Variants in BMP7 observed in about 807,000 individuals in gnomAD.
BMP7 encodes the protein osteogenic protein 1.
In BMP7, 12 loss-of-function variants were observed where a neutral mutation model predicts 41.2. The observed-to-expected ratio is 0.29, with a 90% CI of 0.19 to 0.47. The LOEUF is 0.47. Among genes scored for constraint, BMP7 ranks in the 20% least tolerant of loss-of-function variants. The pLI is 0.99. For synonymous variants in BMP7, 248 were observed against 250.0 expected (o/e 0.99, Z 0.07); for missense variants, 467 against 606.0 (o/e 0.77, Z 2.41).
At chr20:57,195,472 C>T (rs1365138699) in intron 3 of BMP7, among the ~76,000 whole-genome samples, 1 of 152,238 alleles carries the variant, frequency 6.6e-6, no homozygotes, top group Non-Finnish European at 1.5e-5. Context: ...GCCGTCCCAG[C>T]CCTGGAAGGA....
Position 57,261,364 on chromosome 20 carries a change from A to G in BMP7, c.418+4341T>C, listed in dbSNP as rs1312250474. Among the ~76,000 whole-genome samples, 3 of 152,172 alleles carry G rather than the reference A, an allele frequency of 2.0e-5. No homozygotes were observed. Among genetic ancestry groups the G allele is most frequent in the African/African-American group, 7.2e-5 (3 of 41,438 alleles). ...TTACCCCTTCCATGGGGACCGCTCCACAACCGAATGACAACCCTGGAACCA... is the reference window on the plus strand; with the variant it reads ...TTACCCCTTCCATGGGGACCGCTCCGCAACCGAATGACAACCCTGGAACCA... On this transcript the variant is annotated intron_variant, in intron 1 of 6. Coordinates refer to ENST00000395863, the MANE Select transcript of BMP7 (RefSeq NM_001719.3). This position sits in a 1 kb window ranked among gnomAD's most constrained non-coding sequence, Gnocchi z 4.1.
At chr20:57,227,977 A>C (rs569131466) in intron 2 of BMP7, among the ~76,000 whole-genome samples, 1 of 152,234 alleles carries the variant, frequency 6.6e-6, no homozygotes, top group African/African-American at 2.4e-5. Context: ...AGCCAGATCT[A>C]GACTGCCTAT....
chr20:57,205,853 C>T (rs903105873), intron 2 of BMP7, among the ~76,000 whole-genome samples: 2 of 152,206 alleles, frequency 1.3e-5, no homozygotes, highest in East Asian at 3.8e-4. Context: ...GTCAACTCCC[C>T]TCCTTCAAGT....
Position 57,215,474 on chromosome 20 carries a change from A to G in BMP7, c.611+12755T>C, listed in dbSNP as rs777724261. ...AGGGTTTGAGCCCCAGAATTTCTGG[A>G]AAACTGGAGGCTCTACTGTTCCATT... On this transcript the variant is annotated intron_variant, in intron 2 of 6. Transcript: ENST00000395863. The surrounding 1 kb of genome is among the most constrained non-coding windows in gnomAD (Gnocchi z 4.2). 2 of 152,260 alleles carry G rather than the reference A, an allele frequency of 1.3e-5. No individual in the cohort carries two copies. Among genetic ancestry groups the G allele is most frequent in the Non-Finnish European group, 2.9e-5 (2 of 68,052 alleles). The allele number at this position is 152,260 out of a possible 1,614,324, so 9.4% of individuals were successfully genotyped here.
chr20:57,244,829 TC>T (rs1600641526), intron 1 of BMP7, among the ~76,000 whole-genome samples: 1 of 151,876 alleles, frequency 6.6e-6, no homozygotes, highest in Admixed American at 6.6e-5. Flanking sequence ...GCTCAGACCT[TC>T]CCCCCAGAGC....
chr20:57,185,169 G>A (rs1984181447), intron 3 of BMP7, among the ~76,000 whole-genome samples: 1 of 152,236 alleles, frequency 6.6e-6, no homozygotes, highest in Non-Finnish European at 1.5e-5. Context: ...GGGCAGTGGG[G>A]AGGGAGGCTG....
In BMP7 at chr20:57,228,461, A is replaced by T. The variant is rs746929951; in HGVS notation, c.419-40T>A. 1.2e-6 allele frequency: 2 copies of T among 1,603,366 alleles called. No individual in the cohort carries two copies. The highest frequency in any genetic ancestry group is 3.3e-5 in the Admixed American group (2 of 60,018). On this transcript the variant is annotated intron_variant, in intron 1 of 6. Transcript: ENST00000395863. This position sits in a 1 kb window ranked among gnomAD's most constrained non-coding sequence, Gnocchi z 4.5. Reference sequence around the variant, plus strand: ...GAACACACACCAACACCGACAGCTCATTAGTGTCTGGGTTTCACTCTCTGG... The same window carrying T: ...GAACACACACCAACACCGACAGCTCTTTAGTGTCTGGGTTTCACTCTCTGG...
intron 1 of BMP7, among the ~76,000 whole-genome samples, chr20:57,240,403 G>A (rs184974180): frequency 9.9e-5 from 15 of 152,276 alleles, no homozygotes; most frequent in Middle Eastern, 3.4e-3. Context: ...CACTATCAGC[G>A]TTTTGGGCAA....
chr20:57,191,942 T>C (rs1274231909), intron 3 of BMP7, among the ~76,000 whole-genome samples: 1 of 131,244 alleles, frequency 7.6e-6, no homozygotes, highest in Non-Finnish European at 1.5e-5. Context: ...TATAGTATAT[T>C]ATATAATATA....
At position 57,181,671 on chromosome 20, in the gene BMP7, T is replaced by C. The variant is rs138682140; in HGVS notation, c.958+2051A>G. Reference sequence around the variant, plus strand: ...ACCAGTCTTAGCAGGTAAATGCAACTGGGGGCTCTAGGGGAGGATCCCTTC... The same window carrying C: ...ACCAGTCTTAGCAGGTAAATGCAACCGGGGGCTCTAGGGGAGGATCCCTTC... On this transcript the variant is annotated intron_variant, in intron 4 of 6. Transcript: ENST00000395863. Among the ~76,000 whole-genome samples the C allele has an allele frequency of 1.6e-4, 24 of 152,292 alleles. No homozygotes were observed. In the East Asian group the frequency reaches 4.3e-3, roughly 27 times the overall value.
Position 57,266,227 on chromosome 20 carries a change from G to C in BMP7, c.-105C>G. Reference sequence around the variant, plus strand: ...CCGCGCCGCTCGGTCACTTGCTGCAGACGGGCCCCGCTGCGCCCGCGCCAG... The same window carrying C: ...CCGCGCCGCTCGGTCACTTGCTGCACACGGGCCCCGCTGCGCCCGCGCCAG... On this transcript the variant is annotated 5_prime_UTR_variant, in exon 1 of 7. Transcript: ENST00000395863. The C allele has an allele frequency of 8.3e-7, 1 of 1,210,322 alleles. No individual in the cohort carries two copies. The highest frequency in any genetic ancestry group is 3.2e-5 in the East Asian group (1 of 31,258). 75.0% of individuals were successfully genotyped at this position (1,210,322 alleles called of 1,614,324 possible).
chr20:57,242,576 CG>C (rs1483290165), intron 1 of BMP7, among the ~76,000 whole-genome samples: 1 of 152,230 alleles, frequency 6.6e-6, no homozygotes, highest in African/African-American at 2.4e-5. Flanking sequence ...CCTAACACCT[CG>C]GGGCAGCTTG....
chr20:57,237,346 T>C (rs1005320630), intron 1 of BMP7, among the ~76,000 whole-genome samples: 9 of 152,158 alleles, frequency 5.9e-5, no homozygotes, highest in African/African-American at 2.2e-4. Context: ...CCCATTTAAC[T>C]CTGAAACTAC....
rs776921476 is a variant in BMP7, at chr20:57,265,843, C to T, written c.280G>A (p.Glu94Lys). 1.8e-5 allele frequency: 29 copies of T among 1,606,802 alleles called. No individual in the cohort carries two copies. The highest frequency in any genetic ancestry group is 3.4e-5 in the Admixed American group (2 of 59,156). The change falls in exon 1 of 7, where the codon GAG becomes AAG. Residue 94 changes from glutamate (E) to lysine (K), a missense_variant. Coordinates refer to ENST00000395863, the MANE Select transcript of BMP7 (RefSeq NM_001719.3). Reference sequence around the variant, plus strand: ...CCCTGGCCGCCGGGCCCGCCGCCCTCCTCCACCGCCATGGCGTTGTACAGG... The same window carrying T: ...CCCTGGCCGCCGGGCCCGCCGCCCTTCTCCACCGCCATGGCGTTGTACAGG... ...LDLYNAMAVE[E>K]GGGPGGQGFS...
chr20:57,172,154 C>T (rs1475587864), intron 6 of BMP7, among the ~76,000 whole-genome samples: 1 of 152,154 alleles, frequency 6.6e-6, no homozygotes, highest in African/African-American at 2.4e-5. Context: ...TGTCCCCTGG[C>T]AGCCGGGGAG....
intron 2 of BMP7, among the ~76,000 whole-genome samples, chr20:57,208,632 C>A (rs1984799898): frequency 6.6e-6 from 1 of 152,146 alleles, no homozygotes; most frequent in African/African-American, 2.4e-5. Flanking sequence ...TCTTATACAC[C>A]AATGTTCATA....
intron 1 of BMP7, among the ~76,000 whole-genome samples, chr20:57,252,963 C>T (rs1032193854): frequency 1.3e-5 from 2 of 152,146 alleles, no homozygotes; most frequent in African/African-American, 2.4e-5. Flanking sequence ...ATACACAGGA[C>T]AGCTCCCAGC....
At chr20:57,244,307 T>C (rs573764819) in intron 1 of BMP7, among the ~76,000 whole-genome samples, 1 of 152,282 alleles carries the variant, frequency 6.6e-6, no homozygotes, top group African/African-American at 2.4e-5. Flanking sequence ...GCACATGTAA[T>C]AGTCTTGGAA....
At position 57,174,876 on chromosome 20, in the gene BMP7, G is replaced by A. The variant is rs1983887294; in HGVS notation, c.1035+55C>T. 18 of 1,558,054 alleles carry A rather than the reference G, an allele frequency of 1.2e-5. No individual in the cohort carries two copies. The highest frequency in any genetic ancestry group is 4.6e-5 in the East Asian group (2 of 43,286). On this transcript the variant is annotated intron_variant, in intron 5 of 6. Transcript: ENST00000395863. The surrounding 1 kb of genome is among the most constrained non-coding windows in gnomAD (Gnocchi z 4.3). The stretch of plus-strand genomic sequence containing the variant: ...AGACTGAGCACAGACCCGCTGCCTC[G>A]TGGGAGCCCACGCCAGAGGGCCCAC...
Sources: allele counts gnomAD v4.1 joint callset (sites outside exome capture counted in the v4.1 genomes callset), GRCh38; gene constraint gnomAD v4.1.1; non-coding constraint Gnocchi (gnomAD v3.1); transcripts MANE v1.5; gene names NCBI Gene and HGNC (gene_info 2026-07-23, HGNC 2026-07-21).